The following TRMT11 variants were observed in gnomAD, a reference collection of about 807,000 sequenced individuals.
TRMT11 encodes tRNA methyltransferase 11.
Under a neutral mutation model 62.8 loss-of-function variants are expected in TRMT11, and 53 were observed. That is an observed-to-expected ratio of 0.84 (90% CI 0.68 to 1.06). The LOEUF (loss-of-function observed/expected upper bound fraction) is 1.06. TRMT11 is among the 50% of genes least tolerant of loss of function. The pLI is 0.00. For synonymous variants in TRMT11, 188 were observed against 190.3 expected (o/e 0.99, Z 0.10); for missense variants, 556 against 553.4 (o/e 1.00, Z -0.05).
At chr6:126,092,681 G>A (rs774350622) in intron 17 of TRMT11, among the ~76,000 whole-genome samples, 3 of 152,076 alleles carry the variant, frequency 2.0e-5, no homozygotes, top group Non-Finnish European at 4.4e-5. Context: ...TGATTGGTCT[G>A]TTTCTTTATT....
rs1778465690 is a variant in TRMT11, at chr6:126,181,412, T to C, written n.143+4077T>C. ...TTATAAATTCCCCTGACAACAGCCT[T>C]GCTTAAGATTATCACCTAACTTCTG... On this transcript the variant is annotated intron_variant and non_coding_transcript_variant, in intron 1 of 3. Transcript: ENST00000444229. Among the ~76,000 whole-genome samples, 3 of 152,188 alleles carry C rather than the reference T, an allele frequency of 2.0e-5. No homozygotes were observed. In the South Asian group the frequency reaches 6.2e-4, roughly 32 times the overall value.
At chr6:125,988,014 C>A (rs1022184467) in intron 1 of TRMT11, among the ~76,000 whole-genome samples, 7 of 152,020 alleles carry the variant, frequency 4.6e-5, no homozygotes, top group African/African-American at 1.7e-4. Flanking sequence ...AGTAGCGGGC[C>A]AAGTATAGAT....
chr6:126,230,437 G>A, the TRMT11 span, among the ~76,000 whole-genome samples: 77 of 152,156 alleles, frequency 5.1e-4, no homozygotes, highest in African/African-American at 1.8e-3. Flanking sequence ...CTGCCATACG[G>A]GATCATTCTC....
At chr6:126,074,238 C>T (rs1014534366) in intron 17 of TRMT11, among the ~76,000 whole-genome samples, 3 of 152,056 alleles carry the variant, frequency 2.0e-5, no homozygotes, top group African/African-American at 7.2e-5. Flanking sequence ...GTATTGTTTC[C>T]CTCAGGGATG....
At chr6:126,183,968 T>A (rs1311960193) in intron 1 of TRMT11, among the ~76,000 whole-genome samples, 2 of 152,166 alleles carry the variant, frequency 1.3e-5, no homozygotes, top group Non-Finnish European at 2.9e-5. Flanking sequence ...TCTTGCCATC[T>A]GGAAAATGAG....
At chr6:126,015,305 A>C (rs1159910409) in intron 11 of TRMT11, among the ~76,000 whole-genome samples, 1 of 128,420 alleles carries the variant, frequency 7.8e-6, no homozygotes, top group Non-Finnish European at 1.6e-5. Context: ...GGCTCACTGC[A>C]AGCTCCGCCT....
intron 17 of TRMT11, among the ~76,000 whole-genome samples, chr6:126,075,109 C>T (rs1776980658): frequency 6.6e-6 from 1 of 152,090 alleles, no homozygotes. Flanking sequence ...ATTAAGTGCT[C>T]TGTGTAAGAA....
At position 126,084,913 on chromosome 6, in the gene TRMT11, A is replaced by G. The variant is rs372594148; in HGVS notation, c.*1438-27953A>G. 4.6e-5 allele frequency among the ~76,000 whole-genome samples: 7 copies of G among 152,298 alleles called. No homozygotes were observed. In the East Asian group the frequency reaches 9.6e-4, roughly 21 times the overall value. On this transcript the variant is annotated intron_variant and NMD_transcript_variant, in intron 17 of 22. Transcript: ENST00000648977. Reference sequence around the variant, plus strand: ...AGAAACAGAGAGTAGAAGGGTGGTTACCAGAAATTGAGTGGTGGGAGAAAT... The same window carrying G: ...AGAAACAGAGAGTAGAAGGGTGGTTGCCAGAAATTGAGTGGTGGGAGAAAT...
intron 5 of TRMT11, 45 bp from the exon 6 acceptor site, chr6:125,998,505 T>C (rs1228333726): frequency 1.3e-6 from 2 of 1,575,338 alleles, no homozygotes; most frequent in African/African-American, 1.4e-5. Context: ...CCATTTTTCA[T>C]TGTAAATTAT....
intron 12 of TRMT11, among the ~76,000 whole-genome samples, chr6:126,036,158 T>C (rs543164964): frequency 6.6e-6 from 1 of 152,054 alleles, no homozygotes; most frequent in Non-Finnish European, 1.5e-5. Context: ...ATAGTGGACA[T>C]GAGGGCAGAG....
chr6:126,202,425 A>G (rs1041061360), downstream of TRMT11, among the ~76,000 whole-genome samples: 4 of 152,222 alleles, frequency 2.6e-5, no homozygotes, highest in African/African-American at 9.7e-5. Flanking sequence ...TTTTAAGTCA[A>G]CATGTCTTCT....
At chr6:126,001,287 G>A (rs1275256733) in intron 7 of TRMT11, among the ~76,000 whole-genome samples, 1 of 151,926 alleles carries the variant, frequency 6.6e-6, no homozygotes, top group Admixed American at 6.6e-5. Flanking sequence ...ATATTTCTTT[G>A]ATGTCTTTGA....
chr6:126,039,977 A>G (rs1207999149), downstream of TRMT11, among the ~76,000 whole-genome samples: 1 of 152,072 alleles, frequency 6.6e-6, no homozygotes, highest in African/African-American at 2.4e-5. Flanking sequence ...CAGATCTCAA[A>G]CATTTCACTG....
rs779052370 is a variant in TRMT11 at position 126,038,835 on chromosome 6, G to A, written c.1391G>A (p.Ter464=). The A allele has an allele frequency of 1.9e-6, 3 of 1,588,562 alleles. No homozygotes were observed. The highest frequency in any genetic ancestry group is 1.4e-5 in the African/African-American group (1 of 73,058). The change falls in exon 13 of 13, where the codon TGA becomes TAA. Residue 464 remains the stop codon, a stop_retained_variant. Coordinates refer to ENST00000334379, the MANE Select transcript of TRMT11 (RefSeq NM_001031712.3). ...IAKEEKSTQE[*] ...AAGGAAGAAAAATCCACCCAGGAAT[G>A]AAAATTAAGATTTTGACAATGAAGA...
the TRMT11 span, chr6:126,258,476 GC>G: frequency 4.4e-6 from 1 of 226,442 alleles, no homozygotes; most frequent in African/African-American, 2.3e-5. Flanking sequence ...CAGTGGGGGT[GC>G]TGGGGGACAG....
the TRMT11 span, among the ~76,000 whole-genome samples, chr6:126,226,033 G>A: frequency 1.3e-5 from 2 of 152,096 alleles, no homozygotes; most frequent in African/African-American, 4.8e-5. Context: ...TCCCTGTGTA[G>A]TGTCACTCTG....
At chr6:126,271,932 C>A in the TRMT11 span, among the ~76,000 whole-genome samples, 1 of 152,144 alleles carries the variant, frequency 6.6e-6, no homozygotes, top group African/African-American at 2.4e-5. Context: ...ACTGCATGGA[C>A]ATGAAATGTG....
rs374207771 is a variant in TRMT11 at position 126,134,427 on chromosome 6, C to T, written c.*1823+18572C>T. Reference sequence around the variant, plus strand: ...AGAAGAGGATTCTATAATGATAAAACGTCAATTTAGCAAGAGGACATACCA... The same window carrying T: ...AGAAGAGGATTCTATAATGATAAAATGTCAATTTAGCAAGAGGACATACCA... On this transcript the variant is annotated intron_variant and NMD_transcript_variant, in intron 21 of 22. Coordinates refer to the TRMT11 transcript ENST00000648977. Among the ~76,000 whole-genome samples, 10 of 151,790 alleles carry T rather than the reference C, an allele frequency of 6.6e-5. 1 individual carries two copies. The South Asian group carries it at 8.3e-4, about 13-fold the overall frequency.
chr6:126,221,406 C>CCTCTGTTATTATTTAA, the TRMT11 span, among the ~76,000 whole-genome samples: 1,729 of 152,278 alleles, frequency 0.011, 26 homozygotes, highest in Non-Finnish European at 0.015. Context: ...TTCTCTGCAA[C>CCTCTGTTATTATTTAA]CTCACCAGCA....
Sources: allele counts gnomAD v4.1 joint callset (sites outside exome capture counted in the v4.1 genomes callset), GRCh38; gene constraint gnomAD v4.1.1; transcripts MANE v1.5; gene names NCBI Gene and HGNC (gene_info 2026-07-23, HGNC 2026-07-21).